The following TSPAN33 variants were observed in gnomAD, a reference collection of about 807,000 sequenced individuals.
TSPAN33 encodes tetraspanin 33.
In TSPAN33, 27 loss-of-function variants were observed where a neutral mutation model predicts 34.8. The ratio of observed to expected loss-of-function variants is 0.78; its 90% CI spans 0.57 to 1.07. The LOEUF is 1.07. Ranked by LOEUF, TSPAN33 falls within the 50% of genes least tolerant of loss-of-function variation. TSPAN33 has a pLI of 0.00. For synonymous variants in TSPAN33, 119 were observed against 124.2 expected (o/e 0.96, Z 0.28); for missense variants, 272 against 324.9 (o/e 0.84, Z 1.25).
At chr7:129,149,836 T>C (rs1396215067) in intron 1 of TSPAN33, among the ~76,000 whole-genome samples, 1 of 152,086 alleles carries the variant, frequency 6.6e-6, no homozygotes, top group Non-Finnish European at 1.5e-5. Flanking sequence ...ACAGCCAGCC[T>C]CCCATGGACA....
At chr7:129,159,432 C>G (rs1793017560) in intron 1 of TSPAN33, among the ~76,000 whole-genome samples, 1 of 152,166 alleles carries the variant, frequency 6.6e-6, no homozygotes, top group African/African-American at 2.4e-5. Flanking sequence ...GTGAGTAGTG[C>G]TTGTTTGGCC....
In TSPAN33 at chr7:129,163,694, G is replaced by A. The variant is rs370108128; in HGVS notation, c.364-780G>A. Among the ~76,000 whole-genome samples the A allele has an allele frequency of 1.4e-4, 22 of 152,224 alleles. No individual in the cohort carries two copies. The East Asian group carries it at 3.7e-3, about 25-fold the overall frequency. ...AAAATTATGAAATTGGGCCAGGCGCGGTAGCTCATGCCTGTAATCCCAGCA... is the reference window on the plus strand; with the variant it reads ...AAAATTATGAAATTGGGCCAGGCGCAGTAGCTCATGCCTGTAATCCCAGCA... On this transcript the variant is annotated intron_variant, in intron 4 of 7. Coordinates refer to ENST00000486685, the MANE Select transcript of TSPAN33 (RefSeq NM_178562.5).
chr7:129,167,018 G>T lies in TSPAN33; in HGVS notation c.588+112G>T. ...CCCTAGCTTCACCGATCAGTCATGT[G>T]GGACAGCTGTCAGGTGTTTTTCTTC... On this transcript the variant is annotated intron_variant, in intron 6 of 7. Coordinates refer to ENST00000486685, the MANE Select transcript of TSPAN33 (RefSeq NM_178562.5). The surrounding 1 kb of genome is among the most constrained non-coding windows in gnomAD (Gnocchi z 4.6). 7.6e-7 allele frequency: 1 copy of T among 1,309,362 alleles called. No homozygotes were observed. The allele number at this position is 1,309,362 out of a possible 1,614,324, so 81.1% of individuals were successfully genotyped here.
At chr7:129,163,007 C>T (rs1793076014) in intron 4 of TSPAN33, 100 bp downstream of exon 4, 3 of 1,112,138 alleles carry the variant, frequency 2.7e-6, no homozygotes, top group Non-Finnish European at 3.9e-6. Context: ...CAGCTCCTTC[C>T]CCTGAGAAAC....
intron 5 of TSPAN33, among the ~76,000 whole-genome samples, chr7:129,166,047 C>T (rs192444992): frequency 0.017 from 2,538 of 152,190 alleles, 30 homozygotes; most frequent in East Asian, 0.057. Flanking sequence ...AGTGAATCTG[C>T]CTGCCTCAGC....
chr7:129,161,836 G>A (rs934507117), intron 2 of TSPAN33, 100 bp downstream of exon 2: 2 of 1,477,950 alleles, frequency 1.4e-6, no homozygotes, highest in Non-Finnish European at 1.9e-6. Flanking sequence ...TGGGGCTAAA[G>A]GAGGCAGCCT....
chr7:129,167,330 T>C lies in TSPAN33; in HGVS notation c.589-69T>C, dbSNP rs147939316. ...GAGTTTGGGAAGGGTGGGAAGCCCATCAGCTAAGGCCCCAAACAAAAAGTT... is the reference window on the plus strand; with the variant it reads ...GAGTTTGGGAAGGGTGGGAAGCCCACCAGCTAAGGCCCCAAACAAAAAGTT... On this transcript the variant is annotated intron_variant, in intron 6 of 7. Transcript: ENST00000486685. This position sits in a 1 kb window ranked among gnomAD's most constrained non-coding sequence, Gnocchi z 4.6. The C allele has an allele frequency of 2.9e-5, 45 of 1,534,636 alleles. No individual in the cohort carries two copies. The East Asian group carries it at 1.0e-3, about 34-fold the overall frequency.
Position 129,162,477 on chromosome 7 carries a change from G to A in TSPAN33, c.244G>A (p.Gly82Ser). Reference protein sequence around the residue: ...GVLMFLLTFCGCIGSLRENIC... With the variant: ...GVLMFLLTFCSCIGSLRENIC... Reference sequence around the variant, plus strand: ...CCTCATGTTCCTGCTCACCTTCTGTGGCTGCATTGGGTCCCTCCGCGAGAA... The same window carrying A: ...CCTCATGTTCCTGCTCACCTTCTGTAGCTGCATTGGGTCCCTCCGCGAGAA... Residue 82 changes from glycine (G) to serine (S), a missense_variant, in exon 3 of 8, where the codon GGC (glycine) becomes AGC (serine). Transcript: ENST00000486685. The A allele has an allele frequency of 6.2e-7, 1 of 1,613,848 alleles. No individual in the cohort carries two copies. The highest frequency in any genetic ancestry group is 1.3e-5 in the African/African-American group (1 of 75,036).
At chr7:129,155,601 G>A (rs1810654653) in intron 1 of TSPAN33, among the ~76,000 whole-genome samples, 1 of 151,764 alleles carries the variant, frequency 6.6e-6, no homozygotes, top group Admixed American at 6.6e-5. Context: ...TAACACATTA[G>A]TATGATACAT....
rs532632571 is a variant in TSPAN33, at chr7:129,161,415, C to T, written c.103-264C>T. On this transcript the variant is annotated intron_variant, in intron 1 of 7. Coordinates refer to ENST00000486685, the MANE Select transcript of TSPAN33 (RefSeq NM_178562.5). ...CTTGGATTGCCTTAATTTCCTCATC[C>T]GTAAAATAGGCATAATGTCTGCCTC... is the stretch of plus-strand genomic sequence containing the variant. Among the ~76,000 whole-genome samples the T allele has an allele frequency of 6.6e-5, 10 of 152,284 alleles. No homozygotes were observed. In the South Asian group the frequency reaches 8.3e-4, roughly 13 times the overall value.
At chr7:129,152,930 T>C (rs1461322979) in intron 1 of TSPAN33, among the ~76,000 whole-genome samples, 3 of 149,944 alleles carry the variant, frequency 2.0e-5, no homozygotes, top group Non-Finnish European at 4.4e-5. Flanking sequence ...TGGTGGCACA[T>C]ACCTGTAACC....
intron 1 of TSPAN33, among the ~76,000 whole-genome samples, chr7:129,154,274 A>G (rs916186237): frequency 6.6e-6 from 1 of 152,026 alleles, no homozygotes; most frequent in African/African-American, 2.4e-5. Flanking sequence ...ATGAGCTATG[A>G]TTGTACCACT....
intron 1 of TSPAN33, among the ~76,000 whole-genome samples, chr7:129,157,905 C>G (rs548619744): frequency 7.3e-4 from 111 of 152,334 alleles, no homozygotes; most frequent in African/African-American, 2.6e-3. Context: ...CTTAAAACAA[C>G]ACACATTAAT....
At chr7:129,150,679 A>T (rs1810580975) in intron 1 of TSPAN33, among the ~76,000 whole-genome samples, 1 of 152,200 alleles carries the variant, frequency 6.6e-6, no homozygotes. Flanking sequence ...TCAGAATTAA[A>T]TGAGACAGTG....
rs1236088853 is a variant in TSPAN33 at position 129,168,690 on chromosome 7, C to T, written c.*816C>T. The T allele has an allele frequency of 1.3e-5, 2 of 152,964 alleles. No homozygotes were observed. The highest frequency in any genetic ancestry group is 2.9e-5 in the Non-Finnish European group (2 of 68,338). 9.5% of individuals were successfully genotyped at this position (152,964 alleles called of 1,614,324 possible). A position where few individuals can be genotyped will look rare whatever the true frequency, so the allele number is the denominator to read the frequency against. ...CTCCAGCAAGCAGGGTTTTCTTTAA[C>T]TTGGCAGTGTGCAGAGGAGAAGTGG... On this transcript the variant is annotated 3_prime_UTR_variant, in exon 8 of 8. Transcript: ENST00000486685.
chr7:129,160,057 A>C (rs988383049), intron 1 of TSPAN33, among the ~76,000 whole-genome samples: 2 of 152,112 alleles, frequency 1.3e-5, no homozygotes, highest in South Asian at 2.1e-4. Context: ...CCCCGCAAAA[A>C]AGAGGGGGCT....
chr7:129,148,227 G>T lies in TSPAN33; in HGVS notation c.102+3145G>T, dbSNP rs191745634. The stretch of plus-strand genomic sequence containing the variant: ...AGCAGTTGGCTGGCTTTTGAGTCAG[G>T]CAGAGCCCAGAAGCTCAGACCTCCA... On this transcript the variant is annotated intron_variant, in intron 1 of 7. Coordinates refer to ENST00000486685, the MANE Select transcript of TSPAN33 (RefSeq NM_178562.5). This position sits in a 1 kb window ranked among gnomAD's most constrained non-coding sequence, Gnocchi z 4.2. Among the ~76,000 whole-genome samples, 1 of 152,256 alleles carries T rather than the reference G, an allele frequency of 6.6e-6. No individual in the cohort carries two copies. The highest frequency in any genetic ancestry group is 2.4e-5 in the African/African-American group (1 of 41,538).
At chr7:129,150,509 C>T (rs1250120091) in intron 1 of TSPAN33, among the ~76,000 whole-genome samples, 2 of 152,192 alleles carry the variant, frequency 1.3e-5, no homozygotes, top group Admixed American at 6.5e-5. Flanking sequence ...GATAGGAAGG[C>T]AGCCAAGTGG....
chr7:129,160,060 A>G (rs1188137586), intron 1 of TSPAN33, among the ~76,000 whole-genome samples: 1 of 152,086 alleles, frequency 6.6e-6, no homozygotes, highest in Admixed American at 6.6e-5. Context: ...CGCAAAAAAG[A>G]GGGGGCTGTA....
Sources: gnomAD v4.1 joint callset for allele counts (sites outside exome capture counted in the v4.1 genomes callset) on GRCh38, gnomAD v4.1.1 for gene constraint, Gnocchi (gnomAD v3.1) non-coding constraint, MANE v1.5 for transcripts, NCBI Gene and HGNC (gene_info 2026-07-23, HGNC 2026-07-21) for gene names.